The following PITPNM2 variants were observed in gnomAD, a reference collection of about 807,000 sequenced individuals.
PITPNM2 encodes the protein phosphatidylinositol transfer protein membrane associated 2, also known as membrane-associated phosphatidylinositol transfer protein 2.
Under a neutral mutation model 132.2 loss-of-function variants are expected in PITPNM2, and 35 were observed. The ratio of observed to expected loss-of-function variants is 0.26; its 90% CI spans 0.20 to 0.35. The LOEUF is 0.35. Ranked by LOEUF, PITPNM2 falls within the 10% of genes least tolerant of loss-of-function variation. The pLI, the probability that PITPNM2 is intolerant of heterozygous loss-of-function variation, is 1.00. For missense variants in PITPNM2, 1,332 were observed against 1,912.0 expected, an observed-to-expected ratio of 0.70 and a Z score of 5.66; for synonymous variants, 738 against 799.2, an observed-to-expected ratio of 0.92 and a Z score of 1.29.
chr12:123,067,314 G>A (rs556813980), intron 2 of PITPNM2, among the ~76,000 whole-genome samples: 1 of 152,268 alleles, frequency 6.6e-6, no homozygotes, highest in African/African-American at 2.4e-5. Context: ...AAATTAGCTG[G>A]ACATGGTGGC....
rs558360429 is a variant in PITPNM2, at chr12:122,994,189, C to T, written c.2233+612G>A. On this transcript the variant is annotated intron_variant, in intron 15 of 25. Transcript: ENST00000320201. This position sits in a 1 kb window ranked among gnomAD's most constrained non-coding sequence, Gnocchi z 5.4. The stretch of plus-strand genomic sequence containing the variant: ...CGCCCGGCCAGCTCTGCATTTTTAA[C>T]CTGCACTTGGCAAGCATCTAAACCT... Among the ~76,000 whole-genome samples the T allele has an allele frequency of 6.6e-6, 1 of 152,338 alleles. No individual in the cohort carries two copies. Among genetic ancestry groups the T allele is most frequent in the African/African-American group, 2.4e-5 (1 of 41,582 alleles).
chr12:123,127,515 G>T (rs2137507869), intron 1 of PITPNM2, among the ~76,000 whole-genome samples: 2 of 151,944 alleles, frequency 1.3e-5, no homozygotes, highest in Middle Eastern at 3.4e-3. Context: ...TTTTGAGTTT[G>T]TCTACTTTGA....
intron 1 of PITPNM2, among the ~76,000 whole-genome samples, chr12:123,128,240 A>G (rs1292353953): frequency 7.4e-6 from 1 of 134,378 alleles, no homozygotes; most frequent in African/African-American, 2.9e-5. Context: ...CCAGCCTAGT[A>G]AACATGGCGA....
chr12:123,097,495 A>G lies in PITPNM2; in HGVS notation c.-96+12890T>C, dbSNP rs2042441816. ...CTCTACCCTCGACCCCACAGGCACA[A>G]GTGAGCTGTGGCTGGGAGTCAGGAA... is the stretch of plus-strand genomic sequence containing the variant. On this transcript the variant is annotated intron_variant, in intron 2 of 25. Coordinates refer to ENST00000320201, the MANE Select transcript of PITPNM2 (RefSeq NM_020845.3). The surrounding 1 kb of genome is among the most constrained non-coding windows in gnomAD (Gnocchi z 4.7). Among the ~76,000 whole-genome samples, 1 of 152,122 alleles carries G rather than the reference A, an allele frequency of 6.6e-6. No homozygotes were observed. The highest frequency in any genetic ancestry group is 2.4e-5 in the African/African-American group (1 of 41,424).
rs905650851 is a variant in PITPNM2, at chr12:123,000,904, C to T, written c.1154-56G>A. 1.3e-5 allele frequency: 21 copies of T among 1,598,942 alleles called. No homozygotes were observed. Among genetic ancestry groups the T allele is most frequent in the African/African-American group, 9.4e-5 (7 of 74,622 alleles). On this transcript the variant is annotated intron_variant, in intron 9 of 25. Coordinates refer to ENST00000320201, the MANE Select transcript of PITPNM2 (RefSeq NM_020845.3). This position sits in a 1 kb window ranked among gnomAD's most constrained non-coding sequence, Gnocchi z 5.4. ...TGAGGGGCAGCCCAACCTGGCCGACCGGACAGAGGCTGCAACTGTGACGAG... is the reference window on the plus strand; with the variant it reads ...TGAGGGGCAGCCCAACCTGGCCGACTGGACAGAGGCTGCAACTGTGACGAG...
At chr12:123,096,357 T>C (rs1035339050) in intron 2 of PITPNM2, among the ~76,000 whole-genome samples, 8 of 152,224 alleles carry the variant, frequency 5.3e-5, no homozygotes, top group East Asian at 1.9e-4. Context: ...CTTCCCATGA[T>C]TGGTGACTGC....
intron 1 of PITPNM2, among the ~76,000 whole-genome samples, chr12:123,147,095 C>T (rs1432633245): frequency 6.6e-6 from 1 of 152,202 alleles, no homozygotes; most frequent in African/African-American, 2.4e-5. Flanking sequence ...CTAAGTCCTA[C>T]ACACCTTTAC....
chr12:123,005,232 G>T lies in PITPNM2; in HGVS notation c.952+8C>A. 1.2e-6 allele frequency: 2 copies of T among 1,608,558 alleles called. No individual in the cohort carries two copies. Among genetic ancestry groups the T allele is most frequent in the Non-Finnish European group, 1.7e-6 (2 of 1,176,450 alleles). ...TGAGTGTGGGTGGCAGGTGGCGCAGGGCCTTACCTCCCCGCTTGGACGACC... is the reference window on the plus strand; with the variant it reads ...TGAGTGTGGGTGGCAGGTGGCGCAGTGCCTTACCTCCCCGCTTGGACGACC... On this transcript the variant is annotated splice_region_variant and intron_variant, in intron 7 of 25. Coordinates refer to ENST00000320201, the MANE Select transcript of PITPNM2 (RefSeq NM_020845.3). This position sits in a 1 kb window ranked among gnomAD's most constrained non-coding sequence, Gnocchi z 6.2.
intron 1 of PITPNM2, among the ~76,000 whole-genome samples, chr12:123,114,338 C>T (rs1251680954): frequency 2.0e-5 from 3 of 151,618 alleles, no homozygotes; most frequent in Non-Finnish European, 2.9e-5. Context: ...TCTCTCTTGT[C>T]CCTGTTCCCC....
chr12:122,997,037 C>A, intron 11 of PITPNM2, 127 bp from the exon 12 acceptor site: 2 of 1,055,114 alleles, frequency 1.9e-6, no homozygotes, highest in Non-Finnish European at 2.7e-6. Context: ...CGGCCAGGGC[C>A]TGGATAGGCT....
At chr12:123,042,781 C>T (rs2040537769) in intron 2 of PITPNM2, among the ~76,000 whole-genome samples, 1 of 152,152 alleles carries the variant, frequency 6.6e-6, no homozygotes, top group Non-Finnish European at 1.5e-5. Flanking sequence ...ACTTCCTCTC[C>T]AGATGCAGCC....
At chr12:123,087,199 T>A (rs1407691014) in intron 2 of PITPNM2, 1 of 152,070 alleles carries the variant, frequency 6.6e-6, no homozygotes, top group East Asian at 1.9e-4. Context: ...TGCTTCCAAC[T>A]CCCTCTCAAA....
chr12:122,989,886 C>CGGGGGGGGGGGGGGGGGGGGGG lies in PITPNM2; in HGVS notation c.2631_2632insCCCCCCCCCCCCCCCCCCCCCC (p.Ala878ProfsTer35). On this transcript the variant is annotated frameshift_variant, in exon 18 of 26. Coordinates refer to ENST00000320201, the MANE Select transcript of PITPNM2 (RefSeq NM_020845.3). LOFTEE classifies it high-confidence loss of function. ...GGGCCAGGGGTGGTGGGGCTGGGGGCGGGCAGGGCGAGCAGGGACAGACGC... is the reference window on the plus strand; with the variant it reads ...GGGCCAGGGGTGGTGGGGCTGGGGGCGGGGGGGGGGGGGGGGGGGGGGGGGCAGGGCGAGCAGGGACAGACGC... 1 of 1,265,016 alleles carries CGGGGGGGGGGGGGGGGGGGGGG rather than the reference C, an allele frequency of 7.9e-7. No homozygotes were observed. The highest frequency in any genetic ancestry group is 1.0e-6 in the Non-Finnish European group (1 of 995,630). The allele number at this position is 1,265,016 out of a possible 1,614,324, so 78.4% of individuals were successfully genotyped here. A position where few individuals can be genotyped will look rare whatever the true frequency, so the allele number is the denominator to read the frequency against.
chr12:123,137,343 G>C (rs1013699835), intron 1 of PITPNM2, among the ~76,000 whole-genome samples: 1 of 152,180 alleles, frequency 6.6e-6, no homozygotes, highest in African/African-American at 2.4e-5. Flanking sequence ...CTGGCAGATA[G>C]AATCACAGGT....
intron 3 of PITPNM2, among the ~76,000 whole-genome samples, chr12:123,017,949 CTTCA>C: frequency 6.6e-6 from 1 of 150,944 alleles, no homozygotes; most frequent in Non-Finnish European, 1.5e-5. Context: ...CTTTCCTTTC[CTTCA>C]TTTTCTTTTC....
At chr12:123,018,620 T>C (rs1270792384) in intron 3 of PITPNM2, among the ~76,000 whole-genome samples, 1 of 151,808 alleles carries the variant, frequency 6.6e-6, no homozygotes, top group African/African-American at 2.4e-5. Flanking sequence ...AATTAAAAAA[T>C]TTTCTTTTGT....
At chr12:123,072,150 G>A (rs1308062648) in intron 2 of PITPNM2, among the ~76,000 whole-genome samples, 2 of 152,210 alleles carry the variant, frequency 1.3e-5, no homozygotes, top group Non-Finnish European at 2.9e-5. Context: ...GACAGGAAAA[G>A]TGAGGACGCT....
At position 123,097,479 on chromosome 12, in the gene PITPNM2, C is replaced by T. The variant is rs562556900; in HGVS notation, c.-96+12906G>A. ...AGACCCTCCCTCGCTCCTCTACCCT[C>T]GACCCCACAGGCACAAGTGAGCTGT... On this transcript the variant is annotated intron_variant, in intron 2 of 25. Coordinates refer to ENST00000320201, the MANE Select transcript of PITPNM2 (RefSeq NM_020845.3). The surrounding 1 kb of genome is among the most constrained non-coding windows in gnomAD (Gnocchi z 4.7). Among the ~76,000 whole-genome samples the T allele has an allele frequency of 3.9e-5, 6 of 152,318 alleles. No homozygotes were observed. The highest frequency in any genetic ancestry group is 2.1e-4 in the South Asian group (1 of 4,828).
Position 122,995,380 on chromosome 12 carries a change from C to T in PITPNM2, c.2054+9G>A. 4 of 1,580,418 alleles carry T rather than the reference C, an allele frequency of 2.5e-6. No individual in the cohort carries two copies. Among genetic ancestry groups the T allele is most frequent in the African/African-American group, 1.3e-5 (1 of 74,664 alleles). The stretch of plus-strand genomic sequence containing the variant: ...CAGAGGCAAGCCCCAGCCCCCCAGC[C>T]CTGCCCACCTGGACAGGAAGGCCTG... On this transcript the variant is annotated intron_variant, in intron 14 of 25. Coordinates refer to ENST00000320201, the MANE Select transcript of PITPNM2 (RefSeq NM_020845.3).
Sources: allele counts gnomAD v4.1 joint callset (sites outside exome capture counted in the v4.1 genomes callset), GRCh38; gene constraint gnomAD v4.1.1; non-coding constraint Gnocchi (gnomAD v3.1); transcripts MANE v1.5; gene names NCBI Gene and HGNC (gene_info 2026-07-23, HGNC 2026-07-21).